Variants in APOBEC4 observed in about 807,000 individuals in gnomAD.
The protein encoded by APOBEC4 is putative deaminase APOBEC-4.
For synonymous variants in APOBEC4, 141 were observed against 154.2 expected, an observed-to-expected ratio of 0.91 and a Z score of 0.63; for missense variants, 375 against 441.2, an observed-to-expected ratio of 0.85 and a Z score of 1.34.
Position 183,653,192 on chromosome 1 carries a change from G to A in APOBEC4, c.-151C>T, listed in dbSNP as rs749964249. The A allele has an allele frequency of 2.0e-5, 3 of 152,144 alleles. No individual in the cohort carries two copies. The highest frequency in any genetic ancestry group is 4.4e-5 in the Non-Finnish European group (3 of 68,032). 9.4% of individuals were successfully genotyped at this position (152,144 alleles called of 1,614,324 possible). On this transcript the variant is annotated 5_prime_UTR_variant, in exon 1 of 2. Coordinates refer to ENST00000308641, the MANE Select transcript of APOBEC4 (RefSeq NM_203454.3). Reference sequence around the variant, plus strand: ...AGTAGCTTCAGAAGGCAATTGTGCTGTAAAGATTCACCTTGTAATGGGTTC... The same window carrying A: ...AGTAGCTTCAGAAGGCAATTGTGCTATAAAGATTCACCTTGTAATGGGTTC...
At chr1:183,650,273 G>C (rs1484875771) in intron 1 of APOBEC4, among the ~76,000 whole-genome samples, 1 of 148,366 alleles carries the variant, frequency 6.7e-6, no homozygotes, top group African/African-American at 2.6e-5. Flanking sequence ...GCCAGGCGTG[G>C]TGGCTCACGC....
In APOBEC4 at chr1:183,647,479, T is replaced by C; in HGVS notation, c.*199A>G. 1 of 771,682 alleles carries C rather than the reference T, an allele frequency of 1.3e-6. No individual in the cohort carries two copies. The highest frequency in any genetic ancestry group is 1.8e-6 in the Non-Finnish European group (1 of 552,852). The allele number at this position is 771,682 out of a possible 1,614,324, so 47.8% of individuals were successfully genotyped here. ...TCAAAATAAAGGAGAGAGATCAAGTTGCTTATGGAAACATTTTGGATTATG... is the reference window on the plus strand; with the variant it reads ...TCAAAATAAAGGAGAGAGATCAAGTCGCTTATGGAAACATTTTGGATTATG... On this transcript the variant is annotated 3_prime_UTR_variant, in exon 2 of 2. Coordinates refer to ENST00000308641, the MANE Select transcript of APOBEC4 (RefSeq NM_203454.3).
rs892864012 is a variant in APOBEC4 at position 183,648,233 on chromosome 1, C to G, written c.549G>C (p.Arg183=). The G allele has an allele frequency of 6.2e-7, 1 of 1,614,182 alleles. No homozygotes were observed. The highest frequency in any genetic ancestry group is 8.5e-7 in the Non-Finnish European group (1 of 1,180,042). The change falls in exon 2 of 2, where the codon CGG becomes CGC. Residue 183 remains arginine, a synonymous_variant. Coordinates refer to ENST00000308641, the MANE Select transcript of APOBEC4 (RefSeq NM_203454.3). Reference sequence around the variant, plus strand: ...CACCACTTATTGGACTCAAAACAACCCGCGGCCATAAGCTGGCCAGGCTCC... The same window carrying G: ...CACCACTTATTGGACTCAAAACAACGCGCGGCCATAAGCTGGCCAGGCTCC... ...ALRSLASLWP[R]VVLSPISGGI...
chr1:183,648,600 G>T lies in APOBEC4; in HGVS notation c.182C>A (p.Pro61His), dbSNP rs759685764. The T allele has an allele frequency of 6.2e-7, 1 of 1,614,064 alleles. No individual in the cohort carries two copies. Among genetic ancestry groups the T allele is most frequent in the African/African-American group, 1.3e-5 (1 of 74,922 alleles). Reference sequence around the variant, plus strand: ...ATAAAATGTGAGGTGTTTTGTTTGAGGAAATGTTGTCCCATAAGGGAATCC... The same window carrying T: ...ATAAAATGTGAGGTGTTTTGTTTGATGAAATGTTGTCCCATAAGGGAATCC... ...IFGFPYGTTF[P>H]QTKHLTFYEL... The change falls in exon 2 of 2, where the codon CCT (proline) becomes CAT (histidine). Residue 61 changes from proline to histidine, a missense_variant. Pro to His is a moderately conservative substitution (Grantham distance 77, BLOSUM62 -2). Transcript: ENST00000308641.
intron 1 of APOBEC4, among the ~76,000 whole-genome samples, 190 bp from the exon 2 acceptor site, chr1:183,649,001 G>A (rs1054034220): frequency 6.6e-6 from 1 of 152,210 alleles, no homozygotes; most frequent in African/African-American, 2.4e-5. Flanking sequence ...AAACAGAAGA[G>A]AAAGGCGTTC....
rs1372009368 is a variant in APOBEC4, at chr1:183,646,718, A to C, written c.*960T>G. The C allele has an allele frequency of 2.6e-5, 4 of 152,244 alleles. No homozygotes were observed. The highest frequency in any genetic ancestry group is 4.8e-5 in the African/African-American group (2 of 41,462). 9.4% of individuals were successfully genotyped at this position (152,244 alleles called of 1,614,324 possible). The stretch of plus-strand genomic sequence containing the variant: ...GCATTAGAAAGGGGAATGGATGCTA[A>C]CAAAAAGAAAAAACATCTCTTGCAG... On this transcript the variant is annotated 3_prime_UTR_variant, in exon 2 of 2. Coordinates refer to ENST00000308641, the MANE Select transcript of APOBEC4 (RefSeq NM_203454.3).
chr1:183,650,430 T>G (rs141962660), intron 1 of APOBEC4, among the ~76,000 whole-genome samples: 1 of 151,796 alleles, frequency 6.6e-6, no homozygotes, highest in East Asian at 1.9e-4. Flanking sequence ...GTAGTCCCAG[T>G]TACTCGGGAG....
chr1:183,653,272 T>C lies in APOBEC4; in HGVS notation c.-231A>G, dbSNP rs1315909878. 1.3e-5 allele frequency: 2 copies of C among 152,262 alleles called. No individual in the cohort carries two copies. Among genetic ancestry groups the C allele is most frequent in the East Asian group, 1.9e-4 (1 of 5,198 alleles). The allele number at this position is 152,262 out of a possible 1,614,324, so 9.4% of individuals were successfully genotyped here. Reference sequence around the variant, plus strand: ...TTCATTTGAACTTTGCTGTTCCAAGTTAGAAAGCCCTTGCTGAGGTGTGGC... The same window carrying C: ...TTCATTTGAACTTTGCTGTTCCAAGCTAGAAAGCCCTTGCTGAGGTGTGGC... On this transcript the variant is annotated 5_prime_UTR_variant, in exon 1 of 2. Transcript: ENST00000308641.
In APOBEC4 at chr1:183,647,539, G is replaced by C; in HGVS notation, c.*139C>G. 9.0e-6 allele frequency: 12 copies of C among 1,326,904 alleles called. No homozygotes were observed. Among genetic ancestry groups the C allele is most frequent in the Non-Finnish European group, 1.2e-5 (12 of 998,606 alleles). 82.2% of individuals were successfully genotyped at this position (1,326,904 alleles called of 1,614,324 possible). A position where few individuals can be genotyped will look rare whatever the true frequency, so the allele number is the denominator to read the frequency against. Reference sequence around the variant, plus strand: ...GTGTAACTTTATAATAGTTGATATGGTAAATAATTCAAGGTTTGCTTTTAG... The same window carrying C: ...GTGTAACTTTATAATAGTTGATATGCTAAATAATTCAAGGTTTGCTTTTAG... On this transcript the variant is annotated 3_prime_UTR_variant, in exon 2 of 2. Transcript: ENST00000308641.
At position 183,647,592 on chromosome 1, in the gene APOBEC4, A is replaced by ATGAG; in HGVS notation, c.*85_*86insCTCA. 2 of 1,488,792 alleles carry ATGAG rather than the reference A, an allele frequency of 1.3e-6. No individual in the cohort carries two copies. Among genetic ancestry groups the ATGAG allele is most frequent in the Non-Finnish European group, 1.8e-6 (2 of 1,124,506 alleles). The allele number at this position is 1,488,792 out of a possible 1,614,324, so 92.2% of individuals were successfully genotyped here. ...CATCAGTTTATCTCCATCTTGGCTC[A>ATGAG]GCCCTGAGAGAGAAAGTTTCCAGAT... On this transcript the variant is annotated 3_prime_UTR_variant, in exon 2 of 2. Transcript: ENST00000308641.
chr1:183,647,370 G>A lies in APOBEC4; in HGVS notation c.*308C>T. On this transcript the variant is annotated 3_prime_UTR_variant, in exon 2 of 2. Coordinates refer to ENST00000308641, the MANE Select transcript of APOBEC4 (RefSeq NM_203454.3). ...TGGGCTTTTGTAGTGGAAAGATGAT[G>A]TGAGTAAAATAGAATAATGAGATTC... 1 of 199,632 alleles carries A rather than the reference G, an allele frequency of 5.0e-6. No homozygotes were observed. The highest frequency in any genetic ancestry group is 1.0e-5 in the Non-Finnish European group (1 of 99,994). 12.4% of individuals were successfully genotyped at this position (199,632 alleles called of 1,614,324 possible).
Position 183,647,769 on chromosome 1 carries a change from G to C in APOBEC4, c.1013C>G (p.Thr338Ser). Reference sequence around the variant, plus strand: ...TTCCACTATCTCCACTGACCTTCCAGTGGGAAGCCTTCCAAGGTCCTTGGT... The same window carrying C: ...TTCCACTATCTCCACTGACCTTCCACTGGGAAGCCTTCCAAGGTCCTTGGT... ...QETKDLGRLP[T>S]GRSVEIVEIT... The change falls in exon 2 of 2, where the codon ACT becomes AGT. Residue 338 changes from threonine to serine, a missense_variant. Thr to Ser is a moderately conservative substitution (Grantham distance 58, BLOSUM62 1). Transcript: ENST00000308641. 2 of 1,614,158 alleles carry C rather than the reference G, an allele frequency of 1.2e-6. No homozygotes were observed. The highest frequency in any genetic ancestry group is 2.2e-5 in the South Asian group (2 of 91,084).
Position 183,647,405 on chromosome 1 carries a change from A to G in APOBEC4, c.*273T>C. 1 of 279,332 alleles carries G rather than the reference A, an allele frequency of 3.6e-6. No individual in the cohort carries two copies. The highest frequency in any genetic ancestry group is 6.6e-6 in the Non-Finnish European group (1 of 152,416). The allele number at this position is 279,332 out of a possible 1,614,324, so 17.3% of individuals were successfully genotyped here. A position where few individuals can be genotyped will look rare whatever the true frequency, so the allele number is the denominator to read the frequency against. ...TAGAATAATGAGATTCCTTTTCTGC[A>G]TCAAAATATTAGCAAGCTGCTAATG... is the stretch of plus-strand genomic sequence containing the variant. On this transcript the variant is annotated 3_prime_UTR_variant, in exon 2 of 2. Coordinates refer to ENST00000308641, the MANE Select transcript of APOBEC4 (RefSeq NM_203454.3).
At position 183,646,322 on chromosome 1, in the gene APOBEC4, T is replaced by G. The variant is rs1650287928; in HGVS notation, c.*1356A>C. The G allele has an allele frequency of 6.6e-6, 1 of 152,206 alleles. No individual in the cohort carries two copies. The highest frequency in any genetic ancestry group is 6.5e-5 in the Admixed American group (1 of 15,284). 9.4% of individuals were successfully genotyped at this position (152,206 alleles called of 1,614,324 possible). On this transcript the variant is annotated 3_prime_UTR_variant, in exon 2 of 2. Coordinates refer to ENST00000308641, the MANE Select transcript of APOBEC4 (RefSeq NM_203454.3). The stretch of plus-strand genomic sequence containing the variant: ...TGTTTATTTTAACCACAATACTAAT[T>G]GCTATTCCTAAAATATGTTTTTCTT...
chr1:183,651,458 A>G (rs1650747316), intron 1 of APOBEC4, among the ~76,000 whole-genome samples: 1 of 152,192 alleles, frequency 6.6e-6, no homozygotes, highest in African/African-American at 2.4e-5. Context: ...TCATTGCTGT[A>G]TTTGATACAG....
intron 1 of APOBEC4, among the ~76,000 whole-genome samples, chr1:183,652,773 T>C (rs147780312): frequency 3.3e-3 from 501 of 152,314 alleles, no homozygotes; most frequent in Non-Finnish European, 5.3e-3. Context: ...TGTTATACTC[T>C]GTAGAGCAGA....
intron 1 of APOBEC4, among the ~76,000 whole-genome samples, chr1:183,651,986 G>A (rs1282382117): frequency 6.6e-6 from 1 of 152,132 alleles, no homozygotes; most frequent in East Asian, 1.9e-4. Flanking sequence ...GTCGACTTAT[G>A]GGTGGTACAC....
Position 183,648,225 on chromosome 1 carries a change from A to C in APOBEC4, c.557T>G (p.Leu186Trp). The C allele has an allele frequency of 6.2e-7, 1 of 1,614,232 alleles. No individual in the cohort carries two copies. Among genetic ancestry groups the C allele is most frequent in the East Asian group, 2.2e-5 (1 of 44,890 alleles). ...SLASLWPRVV[L>W]SPISGGIWHS... Reference sequence around the variant, plus strand: ...CCAGATCCCACCACTTATTGGACTCAAAACAACCCGCGGCCATAAGCTGGC... The same window carrying C: ...CCAGATCCCACCACTTATTGGACTCCAAACAACCCGCGGCCATAAGCTGGC... Residue 186 changes from leucine (L) to tryptophan (W), a missense_variant, in exon 2 of 2, where the codon TTG (leucine) becomes TGG (tryptophan). Coordinates refer to ENST00000308641, the MANE Select transcript of APOBEC4 (RefSeq NM_203454.3).
rs1650763136 is a variant in APOBEC4 at position 183,651,659 on chromosome 1, G to C, written c.-31+1413C>G. Among the ~76,000 whole-genome samples the C allele has an allele frequency of 2.0e-5, 3 of 152,208 alleles. No individual in the cohort carries two copies. The South Asian group carries it at 6.2e-4, about 31-fold the overall frequency. On this transcript the variant is annotated intron_variant, in intron 1 of 1. Coordinates refer to ENST00000308641, the MANE Select transcript of APOBEC4 (RefSeq NM_203454.3). The stretch of plus-strand genomic sequence containing the variant: ...AGATTCTAGATTTCTCCTAGCCTCT[G>C]CTGTGTCATCTTAATCCATAGGATT...
Sources: gnomAD v4.1 joint callset for allele counts (sites outside exome capture counted in the v4.1 genomes callset) on GRCh38, gnomAD v4.1.1 for gene constraint, MANE v1.5 for transcripts, NCBI Gene and HGNC (gene_info 2026-07-23, HGNC 2026-07-21) for gene names.